The following BBS9 variants were observed in gnomAD, a reference collection of about 807,000 sequenced individuals.
BBS9 encodes Bardet-Biedl syndrome 9.
BBS9 carries 89 observed loss-of-function variants against 117.7 expected under a neutral mutation model. The observed-to-expected ratio is 0.76, with a 90% CI of 0.64 to 0.90. The LOEUF (loss-of-function observed/expected upper bound fraction) is 0.90. Ranked by LOEUF, BBS9 falls within the 40% of genes least tolerant of loss-of-function variation. The pLI, the probability that BBS9 is intolerant of heterozygous loss-of-function variation, is 0.00. For synonymous variants in BBS9, 379 were observed against 370.9 expected (o/e 1.02, Z -0.25); for missense variants, 982 against 1,042.2 (o/e 0.94, Z 0.80).
At position 33,590,459 on chromosome 7, in the gene BBS9, G is replaced by GTTTTTTTGTTTTTGTTTTTTTTTTTTTTT. The variant is rs1554551689; in HGVS notation, c.2522-14399_2522-14398insGTTTTTGTTTTTTTTTTTTTTTTTTTTTT. 1.3e-4 allele frequency among the ~76,000 whole-genome samples: 13 copies of GTTTTTTTGTTTTTGTTTTTTTTTTTTTTT among 101,482 alleles called. 1 individual carries two copies. The highest frequency in any genetic ancestry group is 2.9e-4 in the East Asian group (1 of 3,390). The allele number at this position is 101,482 out of a possible 152,430, so 66.6% of individuals were successfully genotyped here. On this transcript the variant is annotated intron_variant, in intron 21 of 22. Coordinates refer to ENST00000242067, the MANE Select transcript of BBS9 (RefSeq NM_198428.3). ...CCACTGTTTGTTTTTTTGTTTTTTT[G>GTTTTTTTGTTTTTGTTTTTTTTTTTTTTT]TTTTTTTTTTTTTTTTTTACCAGAT... is the stretch of plus-strand genomic sequence containing the variant.
At chr7:33,400,032 A>G (rs1197056435) in intron 19 of BBS9, among the ~76,000 whole-genome samples, 1 of 152,106 alleles carries the variant, frequency 6.6e-6, no homozygotes, top group Admixed American at 6.6e-5. Context: ...CATGTTCTTC[A>G]ATCAGCATTT....
chr7:33,515,246 G>A (rs1467939131), intron 20 of BBS9, among the ~76,000 whole-genome samples: 1 of 152,132 alleles, frequency 6.6e-6, no homozygotes, highest in Non-Finnish European at 1.5e-5. Context: ...TTACTCTTGT[G>A]CCTGAATAAG....
At chr7:33,609,664 A>C (rs748650052), downstream of BBS9, among the ~76,000 whole-genome samples, 1 of 152,050 alleles carries the variant, frequency 6.6e-6, no homozygotes, top group Non-Finnish European at 1.5e-5. Context: ...AGGACGTCAG[A>C]TTTCATATGT....
chr7:33,269,119 G>A (rs1799321577), intron 7 of BBS9, among the ~76,000 whole-genome samples: 1 of 152,108 alleles, frequency 6.6e-6, no homozygotes. Flanking sequence ...GGCAATATTT[G>A]CCTTTCTGGC....
At chr7:33,367,979 C>T in intron 17 of BBS9, 117 bp downstream of exon 17, 1 of 839,916 alleles carries the variant, frequency 1.2e-6, no homozygotes. Flanking sequence ...ATTTCAGTAA[C>T]TAAAAGCCAT....
At chr7:33,430,406 C>T (rs1024488613) in intron 19 of BBS9, among the ~76,000 whole-genome samples, 5 of 152,112 alleles carry the variant, frequency 3.3e-5, no homozygotes, top group Non-Finnish European at 1.5e-5. Flanking sequence ...GACTCAGCAG[C>T]TTTTTTCTTG....
At chr7:33,559,949 G>A (rs2129109941) in intron 21 of BBS9, among the ~76,000 whole-genome samples, 1 of 152,146 alleles carries the variant, frequency 6.6e-6, no homozygotes, top group East Asian at 1.9e-4. Context: ...CTTTCCTACT[G>A]CAGCTGGCTG....
intron 5 of BBS9, among the ~76,000 whole-genome samples, chr7:33,217,737 C>T (rs1789356840): frequency 6.6e-6 from 1 of 152,124 alleles, no homozygotes; most frequent in Non-Finnish European, 1.5e-5. Context: ...GACTGGAAAC[C>T]ATGTTGAGTA....
chr7:33,436,308 T>C (rs1030833188), intron 19 of BBS9, among the ~76,000 whole-genome samples: 2 of 152,190 alleles, frequency 1.3e-5, no homozygotes, highest in African/African-American at 4.8e-5. Flanking sequence ...CATTGTGAAA[T>C]AAGTGTGTTG....
chr7:33,415,288 T>G (rs2128835222), intron 19 of BBS9, among the ~76,000 whole-genome samples: 1 of 152,232 alleles, frequency 6.6e-6, no homozygotes, highest in Admixed American at 6.5e-5. Context: ...CTAATAGAAA[T>G]ACAAACTGAG....
intron 17 of BBS9, among the ~76,000 whole-genome samples, chr7:33,369,910 A>T (rs1822534399): frequency 6.6e-6 from 1 of 152,230 alleles, no homozygotes; most frequent in Admixed American, 6.5e-5. Context: ...GTAAACAGTC[A>T]AATGATTCAT....
At chr7:33,545,743 T>G (rs1853212656) in intron 21 of BBS9, among the ~76,000 whole-genome samples, 1 of 152,114 alleles carries the variant, frequency 6.6e-6, no homozygotes, top group African/African-American at 2.4e-5. Flanking sequence ...TCATTAATAA[T>G]CTAACCATTC....
intron 9 of BBS9, among the ~76,000 whole-genome samples, chr7:33,293,394 A>T (rs751510640): frequency 2.0e-5 from 3 of 151,938 alleles, no homozygotes; most frequent in African/African-American, 7.2e-5. Context: ...CAGACACGGA[A>T]AAAAGGATCT....
intron 19 of BBS9, among the ~76,000 whole-genome samples, chr7:33,408,158 A>G (rs1301687505): frequency 6.6e-6 from 1 of 152,134 alleles, no homozygotes; most frequent in Non-Finnish European, 1.5e-5. Flanking sequence ...CCCCTCCCCC[A>G]GCCTCGCTGC....
chr7:33,408,792 T>C (rs1174620136), intron 19 of BBS9, among the ~76,000 whole-genome samples: 6 of 152,228 alleles, frequency 3.9e-5, no homozygotes, highest in Non-Finnish European at 8.8e-5. Context: ...TCCATACTGC[T>C]CCCCACAGTG....
chr7:33,543,905 T>C (rs1187855425), intron 21 of BBS9, among the ~76,000 whole-genome samples: 2 of 152,214 alleles, frequency 1.3e-5, no homozygotes, highest in Non-Finnish European at 2.9e-5. Context: ...CTTATTCTTT[T>C]TGCTTTGTCT....
At chr7:33,201,355 G>T (rs183073970) in intron 5 of BBS9, among the ~76,000 whole-genome samples, 2 of 152,114 alleles carry the variant, frequency 1.3e-5, no homozygotes, top group Non-Finnish European at 2.9e-5. Context: ...TATTTCCATA[G>T]ACTTTTTATT....
At chr7:33,298,089 A>C (rs1805631231) in intron 9 of BBS9, among the ~76,000 whole-genome samples, 1 of 152,122 alleles carries the variant, frequency 6.6e-6, no homozygotes, top group Admixed American at 6.6e-5. Flanking sequence ...GGAGCTATAG[A>C]AGCATCTTAA....
intron 21 of BBS9, among the ~76,000 whole-genome samples, chr7:33,626,676 G>C (rs1865651093): frequency 6.6e-6 from 1 of 152,190 alleles, no homozygotes; most frequent in African/African-American, 2.4e-5. Context: ...GAGGCATTGT[G>C]GAGGTTGTTA....
Sources: allele counts gnomAD v4.1 joint callset (sites outside exome capture counted in the v4.1 genomes callset), GRCh38; gene constraint gnomAD v4.1.1; transcripts MANE v1.5; gene names NCBI Gene and HGNC (gene_info 2026-07-23, HGNC 2026-07-21).